The following SCOC variants were observed in gnomAD, a reference collection of about 807,000 sequenced individuals.
The protein encoded by SCOC is short coiled coil protein.
A neutral mutation model predicts 9.9 loss-of-function variants in SCOC; 7 were observed. That is an observed-to-expected ratio of 0.71 (90% confidence interval 0.40 to 1.33). The LOEUF (loss-of-function observed/expected upper bound fraction) is 1.33, where lower values mean the gene tolerates loss of function less well. Among genes scored for constraint, SCOC ranks in the 40% most tolerant of loss-of-function variants. The pLI, the probability that SCOC is intolerant of heterozygous loss-of-function variation, is 0.01. For missense variants in SCOC, 66 were observed against 89.7 expected, an observed-to-expected ratio of 0.74 and a Z score of 1.07; for synonymous variants, 19 against 28.2, an observed-to-expected ratio of 0.67 and a Z score of 1.03.
At chr4:140,374,821 C>T (rs2126591128) in intron 1 of SCOC, among the ~76,000 whole-genome samples, 1 of 152,270 alleles carries the variant, frequency 6.6e-6, no homozygotes, top group South Asian at 2.1e-4. Flanking sequence ...GCTGTGAAAC[C>T]TCTGAAACAG....
At chr4:140,297,276 G>C (rs1001254032) in intron 1 of SCOC, among the ~76,000 whole-genome samples, 43 of 151,814 alleles carry the variant, frequency 2.8e-4, no homozygotes, top group Admixed American at 2.6e-4. Context: ...CTGTGGGGGG[G>C]GGGGCACTGT....
At chr4:140,322,464 A>T (rs1205592751) in intron 1 of SCOC, among the ~76,000 whole-genome samples, 1 of 152,180 alleles carries the variant, frequency 6.6e-6, no homozygotes, top group African/African-American at 2.4e-5. Flanking sequence ...TGTAGATGAA[A>T]ATGAGGAACA....
At chr4:140,309,565 G>A (rs1035243253) in intron 1 of SCOC, among the ~76,000 whole-genome samples, 2 of 152,160 alleles carry the variant, frequency 1.3e-5, no homozygotes, top group African/African-American at 2.4e-5. Flanking sequence ...TTGTGGACAA[G>A]CACAGTACCC....
At chr4:140,272,369 T>C (rs1560676682) in intron 1 of SCOC, among the ~76,000 whole-genome samples, 1 of 152,222 alleles carries the variant, frequency 6.6e-6, no homozygotes, top group Non-Finnish European at 1.5e-5. Context: ...TCATCACTTT[T>C]ATACTTTAGT....
chr4:140,361,876 T>C (rs545004065), intron 2 of SCOC, among the ~76,000 whole-genome samples: 48 of 152,246 alleles, frequency 3.2e-4, no homozygotes, highest in Middle Eastern at 3.4e-3. Context: ...GCGCTTCATG[T>C]AGTACAAAAA....
Position 140,380,277 on chromosome 4 carries a change from A to G in SCOC, c.106+625A>G, listed in dbSNP as rs192171204. On this transcript the variant is annotated intron_variant, in intron 3 of 3. Coordinates refer to ENST00000608372, the MANE Select transcript of SCOC (RefSeq NM_001153484.2). Reference sequence around the variant, plus strand: ...CAATGGCGCAACCTCGGCTCCCTGCAACCTCTGCCTCCCAGGTTCAAGCGA... The same window carrying G: ...CAATGGCGCAACCTCGGCTCCCTGCGACCTCTGCCTCCCAGGTTCAAGCGA... Among the ~76,000 whole-genome samples, 69 of 143,732 alleles carry G rather than the reference A, an allele frequency of 4.8e-4. No individual in the cohort carries two copies. In the East Asian group the frequency reaches 0.012, roughly 26 times the overall value. 94.3% of individuals were successfully genotyped at this position (143,732 alleles called of 152,430 possible).
intron 1 of SCOC, among the ~76,000 whole-genome samples, chr4:140,273,308 G>A (rs1730891852): frequency 6.6e-6 from 1 of 152,160 alleles, no homozygotes; most frequent in South Asian, 2.1e-4. Flanking sequence ...AGGAAATGAT[G>A]TTTTACTCTA....
At chr4:140,368,212 T>C (rs1449388943) in intron 2 of SCOC, among the ~76,000 whole-genome samples, 1 of 152,216 alleles carries the variant, frequency 6.6e-6, no homozygotes, top group Non-Finnish European at 1.5e-5. Flanking sequence ...AACCAATGCT[T>C]GTCACGTTGT....
At chr4:140,371,946 A>G (rs1728075471), upstream of SCOC, among the ~76,000 whole-genome samples, 1 of 152,246 alleles carries the variant, frequency 6.6e-6, no homozygotes, top group South Asian at 2.1e-4. Flanking sequence ...TTAAAAAGGA[A>G]GTTCTGCAAT....
rs568411876 is a variant in SCOC, at chr4:140,286,411, G to C, written c.-19+29001G>C. ...AAACAGAGGGAGGGATAGGGTGGTGGCATCTGGCTTGCGAACCCCACTGTT... is the reference window on the plus strand; with the variant it reads ...AAACAGAGGGAGGGATAGGGTGGTGCCATCTGGCTTGCGAACCCCACTGTT... On this transcript the variant is annotated intron_variant, in intron 1 of 4. Transcript: ENST00000394205. Among the ~76,000 whole-genome samples the C allele has an allele frequency of 1.6e-3, 237 of 151,996 alleles. 1 individual carries two copies. The highest frequency in any genetic ancestry group is 2.8e-3 in the Non-Finnish European group (193 of 67,984).
At chr4:140,340,065 T>C (rs1020514845), upstream of SCOC, among the ~76,000 whole-genome samples, 2 of 152,176 alleles carry the variant, frequency 1.3e-5, no homozygotes, top group Non-Finnish European at 2.9e-5. Context: ...TGTCCAACAA[T>C]GATAGACTGG....
At chr4:140,342,316 T>A (rs902006075), upstream of SCOC, among the ~76,000 whole-genome samples, 2 of 152,200 alleles carry the variant, frequency 1.3e-5, no homozygotes, top group Non-Finnish European at 2.9e-5. Flanking sequence ...TCTCTAAGCC[T>A]TTCAGGGTCC....
chr4:140,331,142 C>T (rs536680827), intron 1 of SCOC, among the ~76,000 whole-genome samples: 1 of 152,178 alleles, frequency 6.6e-6, no homozygotes, highest in Non-Finnish European at 1.5e-5. Flanking sequence ...TCTTTCCTTT[C>T]TCCAATTCTT....
intron 1 of SCOC, among the ~76,000 whole-genome samples, chr4:140,270,029 GCATGAACCAC>G (rs1730807580): frequency 6.6e-6 from 1 of 152,184 alleles, no homozygotes; most frequent in Non-Finnish European, 1.5e-5. Flanking sequence ...GGGATTACAG[GCATGAACCAC>G]CATGCCCAGA....
intron 1 of SCOC, among the ~76,000 whole-genome samples, chr4:140,375,778 C>A (rs969301877): frequency 6.6e-6 from 1 of 152,102 alleles, no homozygotes. Flanking sequence ...GGCTAGATAC[C>A]CGAATTTACT....
intron 2 of SCOC, among the ~76,000 whole-genome samples, chr4:140,358,389 C>G (rs1727324596): frequency 6.6e-6 from 1 of 152,126 alleles, no homozygotes; most frequent in Non-Finnish European, 1.5e-5. Context: ...TTCTTAGAAA[C>G]ACTGAGTAAT....
At chr4:140,376,294 A>G (rs1728340105) in intron 1 of SCOC, 1 of 152,208 alleles carries the variant, frequency 6.6e-6, no homozygotes, top group Non-Finnish European at 1.5e-5. Context: ...AAGACTTTGA[A>G]TATATATTAA....
chr4:140,378,583 A>G (rs1728440717), intron 1 of SCOC, among the ~76,000 whole-genome samples: 1 of 152,108 alleles, frequency 6.6e-6, no homozygotes, highest in African/African-American at 2.4e-5. Context: ...AAATAAAAAT[A>G]TGTCTTCTTA....
At chr4:140,340,783 C>CTTTTTTTTTTT (rs36136647), upstream of SCOC, among the ~76,000 whole-genome samples, 770 of 40,450 alleles carry the variant, frequency 0.019, 192 homozygotes, top group African/African-American at 0.056. Flanking sequence ...TGCTGCCTAA[C>CTTTTTTTTTTT]TTTTTTTTTT....
Sources: allele counts gnomAD v4.1 joint callset (sites outside exome capture counted in the v4.1 genomes callset), GRCh38; gene constraint gnomAD v4.1.1; transcripts MANE v1.5; gene names NCBI Gene and HGNC (gene_info 2026-07-23, HGNC 2026-07-21).